The following ZNF560 variants were observed in gnomAD, a reference collection of about 807,000 sequenced individuals.
The protein encoded by ZNF560 is zinc finger protein 560.
Under a neutral mutation model 81.8 loss-of-function variants are expected in ZNF560, and 54 were observed. The ratio of observed to expected loss-of-function variants is 0.66; its 90% CI spans 0.53 to 0.83. ZNF560 has a LOEUF of 0.83. Among genes scored for constraint, ZNF560 ranks in the 40% least tolerant of loss-of-function variants. ZNF560 has a pLI of 0.00. For synonymous variants in ZNF560, 321 were observed against 317.9 expected, an observed-to-expected ratio of 1.01 and a Z score of -0.10; for missense variants, 940 against 932.4, an observed-to-expected ratio of 1.01 and a Z score of -0.11.
At position 9,484,440 on chromosome 19, in the gene ZNF560, C is replaced by T. The variant is rs561299336; in HGVS notation, c.-56-9071G>A. Among the ~76,000 whole-genome samples, 5 of 152,090 alleles carry T rather than the reference C, an allele frequency of 3.3e-5. No individual in the cohort carries two copies. In the South Asian group the frequency reaches 6.2e-4, roughly 19 times the overall value. On this transcript the variant is annotated intron_variant, in intron 2 of 9. Coordinates refer to ENST00000301480, the MANE Select transcript of ZNF560 (RefSeq NM_152476.3). ...GTGTGCTCTAAATGTGAAGTGCACA[C>T]CAGATTTTAAAGGCTTAGTATAAAA... is the stretch of plus-strand genomic sequence containing the variant.
intron 2 of ZNF560, among the ~76,000 whole-genome samples, chr19:9,487,619 AAG>A (rs1277920337): frequency 2.6e-5 from 4 of 152,220 alleles, no homozygotes; most frequent in Non-Finnish European, 5.9e-5. Context: ...GTAGGGAGCT[AAG>A]AGAGAAGCCT....
At chr19:9,464,153 G>A (rs1349293193), downstream of ZNF560, among the ~76,000 whole-genome samples, 4 of 152,262 alleles carry the variant, frequency 2.6e-5, no homozygotes, top group East Asian at 1.9e-4. Flanking sequence ...CAGCTTGTGC[G>A]TGTGTGTGTA....
intron 8 of ZNF560, 117 bp from the exon 9 acceptor site, chr19:9,469,304 C>A: frequency 1.4e-6 from 1 of 729,236 alleles, no homozygotes; most frequent in South Asian, 2.0e-5. Flanking sequence ...CATATGGGGT[C>A]AAGTTTTAGT....
chr19:9,479,495 G>C (rs547921463), intron 2 of ZNF560, among the ~76,000 whole-genome samples: 10 of 152,016 alleles, frequency 6.6e-5, no homozygotes, highest in African/African-American at 9.7e-5. Context: ...ACCGTAACAG[G>C]ACACAAAGGT....
chr19:9,456,248 G>A, the ZNF560 span, among the ~76,000 whole-genome samples: 2 of 152,186 alleles, frequency 1.3e-5, no homozygotes, highest in South Asian at 4.1e-4. Flanking sequence ...GTACCAACAG[G>A]AGTCTGCGGA....
intron 2 of ZNF560, among the ~76,000 whole-genome samples, chr19:9,486,816 C>G (rs1266365443): frequency 1.3e-5 from 2 of 152,032 alleles, no homozygotes; most frequent in Non-Finnish European, 2.9e-5. Flanking sequence ...AGCCTCCTTG[C>G]TTTGTGCTAA....
intron 2 of ZNF560, among the ~76,000 whole-genome samples, chr19:9,485,742 G>A (rs576329235): frequency 6.6e-6 from 1 of 151,972 alleles, no homozygotes; most frequent in African/African-American, 2.4e-5. Context: ...ACAGGGTTTG[G>A]CCACACTGGT....
At chr19:9,451,735 T>C in the ZNF560 span, among the ~76,000 whole-genome samples, 1 of 152,114 alleles carries the variant, frequency 6.6e-6, no homozygotes, top group Non-Finnish European at 1.5e-5. Flanking sequence ...ATATCCAGAA[T>C]CTATAAGAAA....
intron 2 of ZNF560, among the ~76,000 whole-genome samples, chr19:9,479,446 G>A (rs1022111683): frequency 1.3e-5 from 2 of 152,098 alleles, no homozygotes; most frequent in South Asian, 2.1e-4. Context: ...GCTAAGTTAA[G>A]TATTACTTAT....
At chr19:9,476,414 T>C (rs2073202998) in intron 2 of ZNF560, among the ~76,000 whole-genome samples, 1 of 152,106 alleles carries the variant, frequency 6.6e-6, no homozygotes, top group African/African-American at 2.4e-5. Context: ...TGCCTCAGCC[T>C]CCTGAGTAGC....
intron 2 of ZNF560, among the ~76,000 whole-genome samples, chr19:9,487,739 G>A (rs999179933): frequency 7.2e-5 from 11 of 152,156 alleles, no homozygotes; most frequent in African/African-American, 2.4e-4. Context: ...TCAGGGGAGG[G>A]CCAACAGAAG....
At chr19:9,479,193 AAAG>A (rs1390881194) in intron 2 of ZNF560, among the ~76,000 whole-genome samples, 1 of 152,014 alleles carries the variant, frequency 6.6e-6, no homozygotes, top group African/African-American at 2.4e-5. Flanking sequence ...GGAAAAAAAA[AAAG>A]AAAGAAAACT....
intron 2 of ZNF560, among the ~76,000 whole-genome samples, chr19:9,476,737 C>G (rs1173395722): frequency 6.6e-6 from 1 of 152,058 alleles, no homozygotes. Context: ...TGAGGCCTCC[C>G]CAGTCATGTG....
chr19:9,459,574 G>C, the ZNF560 span, among the ~76,000 whole-genome samples: 3 of 152,144 alleles, frequency 2.0e-5, no homozygotes, highest in African/African-American at 7.2e-5. Flanking sequence ...AGTTCATAGG[G>C]TGGGTCCAGG....
chr19:9,446,420 A>G, the ZNF560 span, among the ~76,000 whole-genome samples: 1 of 150,230 alleles, frequency 6.7e-6, no homozygotes, highest in African/African-American at 2.5e-5. Flanking sequence ...AAAATATAGG[A>G]TGCATTCTCT....
At chr19:9,473,339 G>T in intron 4 of ZNF560, 80 bp from the exon 5 acceptor site, 1 of 1,095,992 alleles carries the variant, frequency 9.1e-7, no homozygotes, top group Non-Finnish European at 1.3e-6. Flanking sequence ...CCAGCACTTT[G>T]GGAGGCTGAA....
chr19:9,455,361 T>G, the ZNF560 span, among the ~76,000 whole-genome samples: 1 of 152,190 alleles, frequency 6.6e-6, no homozygotes, highest in South Asian at 2.1e-4. Flanking sequence ...TTTTTACAGT[T>G]TAAGACCTGG....
intron 2 of ZNF560, among the ~76,000 whole-genome samples, chr19:9,485,315 TATC>T (rs565082024): frequency 1.3e-5 from 2 of 152,094 alleles, no homozygotes; most frequent in South Asian, 2.1e-4. Flanking sequence ...ACATTAAAAT[TATC>T]ATTCATAATG....
chr19:9,478,163 A>G (rs187340103), intron 2 of ZNF560, among the ~76,000 whole-genome samples: 1 of 152,338 alleles, frequency 6.6e-6, no homozygotes. Flanking sequence ...TGCAAATCAC[A>G]TATGAACGAG....
Sources: gnomAD v4.1 joint callset for allele counts (sites outside exome capture counted in the v4.1 genomes callset) on GRCh38, gnomAD v4.1.1 for gene constraint, MANE v1.5 for transcripts, NCBI Gene and HGNC (gene_info 2026-07-23, HGNC 2026-07-21) for gene names.